ZNF608: variants seen among roughly 807,000 people sequenced by gnomAD.
The protein encoded by ZNF608 is zinc finger protein 608.
ZNF608 carries 12 observed loss-of-function variants against 109.0 expected under a neutral mutation model. The ratio of observed to expected loss-of-function variants is 0.11; its 90% CI spans 0.07 to 0.18. ZNF608 has a LOEUF of 0.18. ZNF608 is among the 10% of genes least tolerant of loss of function. The probability of loss-of-function intolerance (pLI) is 1.00; values close to 1 mark genes in which losing one functional copy is unlikely to be tolerated. For synonymous variants in ZNF608, 732 were observed against 717.4 expected (o/e 1.02, Z -0.33); for missense variants, 1,707 against 1,879.3 (o/e 0.91, Z 1.70).
intron 2 of ZNF608, among the ~76,000 whole-genome samples, chr5:124,705,485 G>C (rs1239410295): frequency 6.6e-6 from 1 of 152,154 alleles, no homozygotes; most frequent in Non-Finnish European, 1.5e-5. Flanking sequence ...TGAATGCTCA[G>C]CATAGTGCTT....
intron 2 of ZNF608, among the ~76,000 whole-genome samples, chr5:124,741,334 T>C (rs958904629): frequency 4.8e-5 from 7 of 145,262 alleles, no homozygotes; most frequent in African/African-American, 1.8e-4. Context: ...TAAGCATGCA[T>C]GCTATGAAAA....
chr5:124,673,782 T>C (rs755028821), intron 3 of ZNF608, among the ~76,000 whole-genome samples: 4 of 152,186 alleles, frequency 2.6e-5, no homozygotes, highest in Non-Finnish European at 5.9e-5. Context: ...TATCAAATGC[T>C]TATCTCTAAA....
intron 3 of ZNF608, among the ~76,000 whole-genome samples, chr5:124,700,445 T>C (rs1333606838): frequency 1.3e-5 from 2 of 152,198 alleles, no homozygotes; most frequent in Admixed American, 1.3e-4. Flanking sequence ...GCTTGCCGAG[T>C]TAAGGAACAG....
intron 2 of ZNF608, among the ~76,000 whole-genome samples, chr5:124,711,861 G>C (rs1753504763): frequency 6.6e-6 from 1 of 152,150 alleles, no homozygotes; most frequent in African/African-American, 2.4e-5. Context: ...TTATGAAGTT[G>C]GAAGTGGGCA....
At chr5:124,691,329 G>C (rs1752620575) in intron 3 of ZNF608, among the ~76,000 whole-genome samples, 1 of 152,096 alleles carries the variant, frequency 6.6e-6, no homozygotes, top group African/African-American at 2.4e-5. Context: ...TTCTCCAGAG[G>C]AGATACACAA....
At position 124,647,464 on chromosome 5, in the gene ZNF608, T is replaced by C. The variant is rs1376834342; in HGVS notation, c.2920A>G (p.Ser974Gly). Residue 974 changes from serine to glycine, a missense_variant, in exon 5 of 10, where the codon AGT becomes GGT. This residue lies in a region of ZNF608 where 1,073 missense variants were observed against 1,133.5 expected (regional missense o/e 0.95). Transcript: ENST00000513986. ...SPSDIISSKD[S>G]VVKGHSSTTA... ...GTTGAAGAATGCCCTTTTACAACAC[T>C]GTCCTTACTAGAAATAATATCTGAT... 6.2e-7 allele frequency: 1 copy of C among 1,614,224 alleles called. No individual in the cohort carries two copies. The highest frequency in any genetic ancestry group is 1.1e-5 in the South Asian group (1 of 91,086).
intron 2 of ZNF608, among the ~76,000 whole-genome samples, chr5:124,713,866 A>G (rs1405768558): frequency 6.6e-6 from 1 of 152,188 alleles, no homozygotes; most frequent in Non-Finnish European, 1.5e-5. Flanking sequence ...GGAGATTTTA[A>G]AAGTAAACAT....
intron 2 of ZNF608, among the ~76,000 whole-genome samples, chr5:124,727,247 C>T (rs1748648829): frequency 6.6e-6 from 1 of 152,132 alleles, no homozygotes; most frequent in Non-Finnish European, 1.5e-5. Context: ...CTCTAAAACC[C>T]TCTCCTCTCC....
intron 3 of ZNF608, among the ~76,000 whole-genome samples, chr5:124,669,793 A>G (rs1430412466): frequency 1.3e-5 from 2 of 152,142 alleles, no homozygotes; most frequent in Non-Finnish European, 2.9e-5. Context: ...TATTACAGAT[A>G]CTAATCCCTA....
chr5:124,708,899 C>T, intron 2 of ZNF608: 3 of 412,238 alleles, frequency 7.3e-6, no homozygotes, highest in South Asian at 1.8e-5. Context: ...AGGCCCGGTG[C>T]AGTGGCTCAC....
rs528087208 is a variant in ZNF608 at position 124,742,733 on chromosome 5, C to T, written c.906+1351G>A. On this transcript the variant is annotated intron_variant, in intron 2 of 9. Coordinates refer to ENST00000513986, the MANE Select transcript of ZNF608 (RefSeq NM_020747.3). ...CTCTATCAACTTTTAAAAATCAAAA[C>T]TTTACTCCTATACTCCAACTTAAAT... 2.0e-5 allele frequency among the ~76,000 whole-genome samples: 3 copies of T among 152,278 alleles called. No individual in the cohort carries two copies. The South Asian group carries it at 6.2e-4, about 32-fold the overall frequency.
chr5:124,646,467 T>C (rs116091785), intron 5 of ZNF608, among the ~76,000 whole-genome samples: 21 of 152,336 alleles, frequency 1.4e-4, no homozygotes, highest in African/African-American at 4.8e-4. Context: ...CAGTTCCTTT[T>C]ACTATACACC....
chr5:124,678,641 T>G (rs1239156283), intron 3 of ZNF608, among the ~76,000 whole-genome samples: 2 of 152,218 alleles, frequency 1.3e-5, no homozygotes, highest in African/African-American at 4.8e-5. Flanking sequence ...TAGCATTTTC[T>G]GAGGGTGCGT....
Position 124,692,939 on chromosome 5 carries a change from TAC to T in ZNF608, c.1162+8073_1162+8074del, listed in dbSNP as rs532691023. Among the ~76,000 whole-genome samples the T allele has an allele frequency of 5.3e-5, 8 of 152,348 alleles. No homozygotes were observed. The South Asian group carries it at 1.7e-3, about 32-fold the overall frequency. On this transcript the variant is annotated intron_variant, in intron 3 of 9. Coordinates refer to ENST00000513986, the MANE Select transcript of ZNF608 (RefSeq NM_020747.3). ...CTATTGTCTACAAAACATACATGTT[TAC>T]ACATAAAAACAACAAAGAATCAAGG...
At chr5:124,668,722 C>T (rs1000680006) in intron 3 of ZNF608, among the ~76,000 whole-genome samples, 2 of 152,130 alleles carry the variant, frequency 1.3e-5, no homozygotes, top group African/African-American at 4.8e-5. Context: ...AGGCCTGACC[C>T]ACGCCCAGGA....
intron 3 of ZNF608, among the ~76,000 whole-genome samples, chr5:124,675,606 C>T (rs1751913059): frequency 1.3e-5 from 2 of 152,072 alleles, no homozygotes; most frequent in South Asian, 4.1e-4. Context: ...AAAAATAAGG[C>T]CTAAAGAGTT....
At chr5:124,652,527 C>T (rs780292577) in intron 3 of ZNF608, among the ~76,000 whole-genome samples, 1 of 152,208 alleles carries the variant, frequency 6.6e-6, no homozygotes, top group Non-Finnish European at 1.5e-5. Context: ...GCCCACAATT[C>T]ACATCCGAAT....
upstream of ZNF608, chr5:124,746,705 GA>G (rs770773629): frequency 1.8e-5 from 18 of 985,164 alleles, no homozygotes; most frequent in Non-Finnish European, 2.0e-5. Flanking sequence ...AGAAAGGACT[GA>G]AAATCTGGGC....
chr5:124,636,923 A>AT lies in ZNF608; in HGVS notation c.*976_*977insA, dbSNP rs1351410007. ...AGACAGACAAGAAGCCATTATTTAA[A>AT]AAAAAAAAAACTTTTTAATTCTGAT... On this transcript the variant is annotated 3_prime_UTR_variant, in exon 10 of 10. Transcript: ENST00000513986. 6.6e-6 allele frequency: 1 copy of AT among 152,266 alleles called. No homozygotes were observed. The highest frequency in any genetic ancestry group is 1.5e-5 in the Non-Finnish European group (1 of 67,988). The allele number at this position is 152,266 out of a possible 1,614,324, so 9.4% of individuals were successfully genotyped here.
Sources: gnomAD v4.1 joint callset for allele counts (sites outside exome capture counted in the v4.1 genomes callset) on GRCh38, gnomAD v4.1.1 for gene constraint, gnomAD v4.1.1 regional missense constraint, MANE v1.5 for transcripts, NCBI Gene and HGNC (gene_info 2026-07-23, HGNC 2026-07-21) for gene names.